The following GFPT2 variants were observed in gnomAD, a reference collection of about 807,000 sequenced individuals.
GFPT2 encodes glutamine--fructose-6-phosphate transaminase 2.
GFPT2 carries 62 observed loss-of-function variants against 85.6 expected under a neutral mutation model. The observed-to-expected ratio is 0.72, with a 90% CI of 0.59 to 0.90. The LOEUF (loss-of-function observed/expected upper bound fraction) is 0.90. Among genes scored for constraint, GFPT2 ranks in the 40% least tolerant of loss-of-function variants. GFPT2 has a pLI of 0.00. For synonymous variants in GFPT2, 368 were observed against 344.5 expected (o/e 1.07, Z -0.75); for missense variants, 788 against 893.4 (o/e 0.88, Z 1.50).
rs371056977 is a variant in GFPT2, at chr5:180,324,815, C to T, written c.676+1G>A. 2.5e-6 allele frequency: 4 copies of T among 1,577,732 alleles called. No homozygotes were observed. Among genetic ancestry groups the T allele is most frequent in the African/African-American group, 1.3e-5 (1 of 74,192 alleles). ...GTTCCGGTACTTCTTGAGAAACTTA[C>T]ACGTCCTGTATAAGATAGGGATCTG... On this transcript the variant is annotated splice_donor_variant, in intron 8 of 18. Transcript: ENST00000253778. LOFTEE classifies it high-confidence loss of function.
intron 15 of GFPT2, among the ~76,000 whole-genome samples, chr5:180,311,803 G>C (rs750045589): frequency 1.2e-4 from 18 of 152,166 alleles, no homozygotes; most frequent in Non-Finnish European, 2.6e-4. Context: ...TGTGAGCATG[G>C]CCAGGGAGGG....
intron 15 of GFPT2, among the ~76,000 whole-genome samples, chr5:180,308,304 T>C (rs1233963182): frequency 1.3e-5 from 2 of 151,396 alleles, no homozygotes; most frequent in Non-Finnish European, 1.5e-5. Context: ...CAATGAGAAA[T>C]TTAAAAATAT....
intron 11 of GFPT2, 28 bp from the exon 12 acceptor site, chr5:180,316,889 G>A: frequency 6.3e-7 from 1 of 1,583,694 alleles, no homozygotes; most frequent in Non-Finnish European, 8.7e-7. Flanking sequence ...AGGCGTTAAT[G>A]CTGAGTCTAC....
intron 13 of GFPT2, among the ~76,000 whole-genome samples, chr5:180,315,251 C>G (rs1581373120): frequency 6.6e-6 from 1 of 151,548 alleles, no homozygotes; most frequent in African/African-American, 2.4e-5. Flanking sequence ...GATCTCAGCT[C>G]ACTGCAAGCT....
chr5:180,311,879 G>T (rs1274878243), intron 15 of GFPT2, among the ~76,000 whole-genome samples: 1 of 152,160 alleles, frequency 6.6e-6, no homozygotes, highest in Non-Finnish European at 1.5e-5. Flanking sequence ...TGCAGAGCAG[G>T]AAGAAGATGG....
intron 4 of GFPT2, among the ~76,000 whole-genome samples, chr5:180,334,406 C>T (rs909360488): frequency 1.3e-5 from 2 of 152,192 alleles, no homozygotes; most frequent in Non-Finnish European, 2.9e-5. Flanking sequence ...CTGCCCATCC[C>T]GCCCAGTTAC....
At chr5:180,320,082 T>A (rs531607639) in intron 9 of GFPT2, among the ~76,000 whole-genome samples, 2 of 152,228 alleles carry the variant, frequency 1.3e-5, no homozygotes, top group Admixed American at 1.3e-4. Flanking sequence ...AAGCTCTGCC[T>A]CCCGGGTTCA....
chr5:180,312,470 G>C lies in GFPT2; in HGVS notation c.1506C>G (p.Asn502Lys). Residue 502 changes from asparagine (N) to lysine (K), a missense_variant, in exon 15 of 19, where the codon AAC becomes AAG. Transcript: ENST00000253778. ...AGCCACGGATGATCTCTTGCCTCCT[G>C]TTTTGTAGTGAAATTCGGTCTTCAG... is the stretch of plus-strand genomic sequence containing the variant. ...MMSEDRISLQ[N>K]RRQEIIRGLR... 1 of 1,609,854 alleles carries C rather than the reference G, an allele frequency of 6.2e-7. No individual in the cohort carries two copies. The highest frequency in any genetic ancestry group is 8.5e-7 in the Non-Finnish European group (1 of 1,176,072).
At chr5:180,310,158 AAT>A (rs1431586145) in intron 15 of GFPT2, among the ~76,000 whole-genome samples, 29 of 151,774 alleles carry the variant, frequency 1.9e-4, no homozygotes, top group Admixed American at 1.7e-3. Flanking sequence ...GCTGGAGTAC[AAT>A]GGCACAATCT....
At chr5:180,307,437 G>C in intron 15 of GFPT2, 134 bp from the exon 16 acceptor site, 1 of 807,630 alleles carries the variant, frequency 1.2e-6, no homozygotes, top group Non-Finnish European at 2.0e-6. Flanking sequence ...CCTCGCATTC[G>C]TTTCAAACGT....
At chr5:180,313,459 G>T (rs192233284) in intron 14 of GFPT2, among the ~76,000 whole-genome samples, 4 of 135,334 alleles carry the variant, frequency 3.0e-5, no homozygotes, top group Middle Eastern at 7.8e-3. Flanking sequence ...GGTGTGGGGC[G>T]GGTGCCTGTA....
intron 4 of GFPT2, among the ~76,000 whole-genome samples, 158 bp downstream of exon 4, chr5:180,335,670 C>T (rs966664403): frequency 1.3e-5 from 2 of 152,238 alleles, no homozygotes; most frequent in African/African-American, 4.8e-5. Flanking sequence ...AGGCCACTGG[C>T]AGAGCTCTGG....
intron 9 of GFPT2, among the ~76,000 whole-genome samples, chr5:180,321,770 TTG>T (rs1433365080): frequency 9.0e-6 from 1 of 111,026 alleles, no homozygotes; most frequent in Non-Finnish European, 2.1e-5. Context: ...GGGTTTTGTT[TTG>T]TTTTGTTTTG....
chr5:180,332,835 T>C (rs1256744182), intron 4 of GFPT2, among the ~76,000 whole-genome samples: 3 of 152,336 alleles, frequency 2.0e-5, no homozygotes, highest in African/African-American at 7.2e-5. Context: ...CCACTGTGCC[T>C]GGTCTATTGA....
In GFPT2 at chr5:180,304,776, C is replaced by T. The variant is rs766370990; in HGVS notation, c.1838G>A (p.Arg613His). The change falls in exon 17 of 19, where the codon CGC (arginine) becomes CAC (histidine). Residue 613 changes from arginine to histidine, a missense_variant. Coordinates refer to ENST00000253778, the MANE Select transcript of GFPT2 (RefSeq NM_005110.4). ...AGTCCAGTGGAGAGCCCTCACCTGGCGGGCCGTGACTTGCTGCAGGGCGTT... is the reference window on the plus strand; with the variant it reads ...AGTCCAGTGGAGAGCCCTCACCTGGTGGGCCGTGACTTGCTGCAGGGCGTT... ...CQNALQQVTA[R>H]QGRPIILCSK... The T allele has an allele frequency of 1.3e-5, 21 of 1,611,974 alleles. No individual in the cohort carries two copies. Among genetic ancestry groups the T allele is most frequent in the African/African-American group, 5.3e-5 (4 of 74,886 alleles).
rs578231752 is a variant in GFPT2 at position 180,342,371 on chromosome 5, G to T, written c.8-3771C>A. Among the ~76,000 whole-genome samples the T allele has an allele frequency of 2.0e-5, 3 of 148,786 alleles. No individual in the cohort carries two copies. The South Asian group carries it at 6.4e-4, about 32-fold the overall frequency. On this transcript the variant is annotated intron_variant, in intron 1 of 18. Transcript: ENST00000253778. Reference sequence around the variant, plus strand: ...GATTCAGTGGTTTAGTATATTCAGAGTTGTGCAATTATCACCATTCATGTT... The same window carrying T: ...GATTCAGTGGTTTAGTATATTCAGATTTGTGCAATTATCACCATTCATGTT...
rs755325974 is a variant in GFPT2, at chr5:180,330,878, C to T, written c.400-44G>A. Reference sequence around the variant, plus strand: ...ACAGTGTGAGAGATTGGTCATTGCACAATGCCTGCCTGGCCAACTCCCTCT... The same window carrying T: ...ACAGTGTGAGAGATTGGTCATTGCATAATGCCTGCCTGGCCAACTCCCTCT... On this transcript the variant is annotated intron_variant, in intron 5 of 18. Coordinates refer to ENST00000253778, the MANE Select transcript of GFPT2 (RefSeq NM_005110.4). This position sits in a 1 kb window ranked among gnomAD's most constrained non-coding sequence, Gnocchi z 4.4. 1.3e-6 allele frequency: 2 copies of T among 1,588,700 alleles called. No homozygotes were observed. The highest frequency in any genetic ancestry group is 1.7e-5 in the Admixed American group (1 of 59,234).
At chr5:180,311,994 G>GCGGGGAGT (rs1328784603) in intron 15 of GFPT2, among the ~76,000 whole-genome samples, 1 of 71,772 alleles carries the variant, frequency 1.4e-5, no homozygotes. Flanking sequence ...AGGCAGGGAG[G>GCGGGGAGT]TGGGGAGGCT....
At chr5:180,320,361 T>C (rs1320871102) in intron 9 of GFPT2, among the ~76,000 whole-genome samples, 4 of 152,212 alleles carry the variant, frequency 2.6e-5, no homozygotes, top group Non-Finnish European at 5.9e-5. Flanking sequence ...GAGATCATAA[T>C]ACAAAGTATC....
Sources: allele counts gnomAD v4.1 joint callset (sites outside exome capture counted in the v4.1 genomes callset), GRCh38; gene constraint gnomAD v4.1.1; non-coding constraint Gnocchi (gnomAD v3.1); transcripts MANE v1.5; gene names NCBI Gene and HGNC (gene_info 2026-07-23, HGNC 2026-07-21).